STPG2: variants seen among roughly 807,000 people sequenced by gnomAD.
STPG2 encodes sperm tail PG-rich repeat containing 2.
STPG2 carries 56 observed loss-of-function variants against 54.2 expected under a neutral mutation model. The ratio of observed to expected loss-of-function variants is 1.03; its 90% CI spans 0.83 to 1.29. The LOEUF (loss-of-function observed/expected upper bound fraction) is 1.29. Among genes scored for constraint, STPG2 ranks in the 50% most tolerant of loss-of-function variants. The pLI is 0.00. For synonymous variants in STPG2, 200 were observed against 181.8 expected (o/e 1.10, Z -0.81); for missense variants, 596 against 544.9 (o/e 1.09, Z -0.93).
intron 5 of STPG2, chr4:98,048,992 G>C (rs1737229894): frequency 6.6e-6 from 1 of 152,186 alleles, no homozygotes; most frequent in Non-Finnish European, 1.5e-5. Flanking sequence ...TTCAAGACTT[G>C]GATGATACTG....
intron 4 of STPG2, among the ~76,000 whole-genome samples, chr4:97,517,526 A>T (rs942123467): frequency 3.9e-5 from 6 of 152,148 alleles, no homozygotes; most frequent in African/African-American, 1.4e-4. Flanking sequence ...GAATAATACC[A>T]GTACGTTTTT....
chr4:97,919,337 A>G (rs1732009089), intron 8 of STPG2, among the ~76,000 whole-genome samples: 2 of 151,446 alleles, frequency 1.3e-5, no homozygotes, highest in South Asian at 4.1e-4. Flanking sequence ...AAGAAAAAAT[A>G]TAAAGAAATA....
At chr4:97,886,803 G>A (rs1259146167) in intron 8 of STPG2, among the ~76,000 whole-genome samples, 2 of 152,192 alleles carry the variant, frequency 1.3e-5, no homozygotes, top group African/African-American at 4.8e-5. Flanking sequence ...CGTGGGGTCT[G>A]GTGGAAGGTG....
chr4:98,070,399 T>C (rs988392324), intron 5 of STPG2, among the ~76,000 whole-genome samples: 12 of 151,832 alleles, frequency 7.9e-5, no homozygotes, highest in African/African-American at 2.9e-4. Context: ...GACAAACCCA[T>C]AGCAAATATC....
At chr4:97,568,981 G>A (rs967210845) in intron 10 of STPG2, among the ~76,000 whole-genome samples, 1 of 151,112 alleles carries the variant, frequency 6.6e-6, no homozygotes, top group Admixed American at 6.6e-5. Context: ...AAGGGTTCTT[G>A]GGCATCGTGC....
chr4:97,906,119 C>T (rs369305787), intron 8 of STPG2, among the ~76,000 whole-genome samples: 1 of 151,508 alleles, frequency 6.6e-6, no homozygotes, highest in Non-Finnish European at 1.5e-5. Context: ...AGACCGCTAG[C>T]AAGACTAATA....
intron 10 of STPG2, among the ~76,000 whole-genome samples, chr4:97,565,107 A>T (rs534087660): frequency 6.6e-6 from 1 of 152,196 alleles, no homozygotes; most frequent in African/African-American, 2.4e-5. Context: ...ACATAGTCCC[A>T]TATTTCTTGG....
chr4:97,907,021 A>G (rs1731455853), intron 8 of STPG2, among the ~76,000 whole-genome samples: 1 of 150,994 alleles, frequency 6.6e-6, no homozygotes, highest in Non-Finnish European at 1.5e-5. Context: ...GGCCAGGGCA[A>G]TTAGGCAGGA....
intron 10 of STPG2, among the ~76,000 whole-genome samples, chr4:97,686,521 T>G (rs899379462): frequency 1.3e-5 from 2 of 152,078 alleles, no homozygotes; most frequent in African/African-American, 4.8e-5. Context: ...TTTCCGTTCT[T>G]CTGCTGGAGG....
At chr4:98,004,623 C>T (rs1735517202) in intron 5 of STPG2, among the ~76,000 whole-genome samples, 1 of 152,138 alleles carries the variant, frequency 6.6e-6, no homozygotes, top group South Asian at 2.1e-4. Context: ...TAAGCATTCT[C>T]TTTTTTCAAC....
intron 7 of STPG2, among the ~76,000 whole-genome samples, chr4:97,957,482 T>C (rs560299207): frequency 2.0e-5 from 3 of 151,976 alleles, no homozygotes; most frequent in Non-Finnish European, 4.4e-5. Context: ...ATCTAGAAGT[T>C]TGGAAAACAT....
chr4:97,951,817 A>G (rs1000487059), intron 7 of STPG2, among the ~76,000 whole-genome samples: 4 of 152,158 alleles, frequency 2.6e-5, no homozygotes, highest in Non-Finnish European at 5.9e-5. Context: ...TCAGGCTAGT[A>G]GGATAGGCGT....
intron 9 of STPG2, among the ~76,000 whole-genome samples, chr4:97,791,597 T>C (rs546728758): frequency 9.9e-5 from 15 of 152,280 alleles, no homozygotes; most frequent in Non-Finnish European, 1.5e-5. Flanking sequence ...TTTACAAATA[T>C]AGCAGTGTTA....
At chr4:97,859,760 TGCATTA>T (rs1312776711) in intron 8 of STPG2, among the ~76,000 whole-genome samples, 2 of 152,174 alleles carry the variant, frequency 1.3e-5, no homozygotes, top group Non-Finnish European at 2.9e-5. Flanking sequence ...ATGCCTGGCC[TGCATTA>T]GCTTTTGAGT....
At chr4:98,041,321 T>C (rs1736949902) in intron 5 of STPG2, among the ~76,000 whole-genome samples, 2 of 152,072 alleles carry the variant, frequency 1.3e-5, no homozygotes, top group South Asian at 2.1e-4. Flanking sequence ...GTATTCTTTC[T>C]GTCTCTTGCC....
At chr4:97,484,681 G>A (rs1192819066) in intron 4 of STPG2, among the ~76,000 whole-genome samples, 2 of 151,684 alleles carry the variant, frequency 1.3e-5, no homozygotes, top group Non-Finnish European at 3.0e-5. Flanking sequence ...ATAAGATAGA[G>A]AAAGAGGGAA....
At chr4:98,142,193 A>G (rs764765936) in intron 1 of STPG2, among the ~76,000 whole-genome samples, 1 of 152,186 alleles carries the variant, frequency 6.6e-6, no homozygotes, top group Non-Finnish European at 1.5e-5. Context: ...CACTGACAGA[A>G]GTCAAATTTG....
intron 10 of STPG2, among the ~76,000 whole-genome samples, chr4:97,685,799 G>T (rs995629754): frequency 6.6e-6 from 1 of 152,194 alleles, no homozygotes; most frequent in African/African-American, 2.4e-5. Context: ...CTAATATGAA[G>T]ACTGTGCTTT....
chr4:97,787,702 T>A (rs1726868797), intron 9 of STPG2, among the ~76,000 whole-genome samples: 1 of 152,004 alleles, frequency 6.6e-6, no homozygotes, highest in Admixed American at 6.6e-5. Flanking sequence ...ATTTTTTGCT[T>A]CTTAAATGTT....
Sources: gnomAD v4.1 joint callset for allele counts (sites outside exome capture counted in the v4.1 genomes callset) on GRCh38, gnomAD v4.1.1 for gene constraint, MANE v1.5 for transcripts, NCBI Gene and HGNC (gene_info 2026-07-23, HGNC 2026-07-21) for gene names.